TBC1D22A: variants seen among roughly 807,000 people sequenced by gnomAD.
The protein encoded by TBC1D22A is TBC1 domain family member 22A, also known as putative GTPase activator.
Under a neutral mutation model 60.2 loss-of-function variants are expected in TBC1D22A, and 38 were observed. That is an observed-to-expected ratio of 0.63 (90% CI 0.49 to 0.83). The LOEUF (loss-of-function observed/expected upper bound fraction) is 0.83, where lower values mean the gene tolerates loss of function less well. Among genes scored for constraint, TBC1D22A ranks in the 40% least tolerant of loss-of-function variants. The pLI is 0.00. For synonymous variants in TBC1D22A, 302 were observed against 281.7 expected (o/e 1.07, Z -0.72); for missense variants, 628 against 701.0 (o/e 0.90, Z 1.18).
intron 11 of TBC1D22A, among the ~76,000 whole-genome samples, chr22:47,095,102 G>C (rs1029328174): frequency 6.6e-6 from 1 of 152,252 alleles, no homozygotes; most frequent in Admixed American, 6.5e-5. Context: ...GGATGTTGGC[G>C]TGAATTTTAA....
intron 11 of TBC1D22A, among the ~76,000 whole-genome samples, chr22:47,077,910 G>A (rs999468085): frequency 1.3e-5 from 2 of 152,232 alleles, no homozygotes; most frequent in African/African-American, 4.8e-5. Context: ...TTGGCCCACA[G>A]TCTGTACTCA....
At chr22:46,879,655 T>G (rs892851102) in intron 5 of TBC1D22A, among the ~76,000 whole-genome samples, 4 of 152,250 alleles carry the variant, frequency 2.6e-5, no homozygotes, top group African/African-American at 9.6e-5. Flanking sequence ...TTTTGTTTTG[T>G]GCTTTTTTAT....
At chr22:46,904,105 A>ATCTGTCTGTCTGTCTGTCTG (rs1347635679) in intron 7 of TBC1D22A, among the ~76,000 whole-genome samples, 12 of 53,210 alleles carry the variant, frequency 2.3e-4, no homozygotes, top group South Asian at 6.8e-4. Context: ...AAATCTATCT[A>ATCTGTCTGTCTGTCTGTCTG]TCTATCTATC....
At chr22:47,080,240 T>C (rs2064407613) in intron 11 of TBC1D22A, among the ~76,000 whole-genome samples, 1 of 152,232 alleles carries the variant, frequency 6.6e-6, no homozygotes, top group East Asian at 1.9e-4. Context: ...AAAGTATATT[T>C]GATTTAAATA....
In TBC1D22A at chr22:47,157,562, G is replaced by A. The variant is rs371621114; in HGVS notation, c.1426-15936G>A. ...TCTGCACCTGGCCTCGCAGGACGGCGGGTGCGCTGTGGTGGCCCTTCCCAC... is the reference window on the plus strand; with the variant it reads ...TCTGCACCTGGCCTCGCAGGACGGCAGGTGCGCTGTGGTGGCCCTTCCCAC... On this transcript the variant is annotated intron_variant, in intron 12 of 12. Transcript: ENST00000337137. Among the ~76,000 whole-genome samples, 36 of 152,342 alleles carry A rather than the reference G, an allele frequency of 2.4e-4. No individual in the cohort carries two copies. In the East Asian group the frequency reaches 4.1e-3, roughly 17 times the overall value.
chr22:47,168,111 C>T (rs531312690), intron 12 of TBC1D22A, among the ~76,000 whole-genome samples: 17 of 152,368 alleles, frequency 1.1e-4, no homozygotes, highest in African/African-American at 4.1e-4. Context: ...AGTTGCTTCA[C>T]CGGACTCTGC....
intron 8 of TBC1D22A, among the ~76,000 whole-genome samples, chr22:46,963,148 G>C (rs2148065939): frequency 6.6e-6 from 1 of 151,728 alleles, no homozygotes; most frequent in Non-Finnish European, 1.5e-5. Flanking sequence ...ATGAACTTGG[G>C]AGGTGGAGCT....
intron 4 of TBC1D22A, among the ~76,000 whole-genome samples, chr22:46,829,709 G>C (rs11913536): frequency 2.6e-5 from 4 of 152,152 alleles, no homozygotes; most frequent in Admixed American, 2.6e-4. Flanking sequence ...TGGGGCCAGC[G>C]GCGTTTCTAT....
At chr22:47,032,798 C>T (rs1374880319) in intron 10 of TBC1D22A, among the ~76,000 whole-genome samples, 2 of 152,228 alleles carry the variant, frequency 1.3e-5, no homozygotes, top group Non-Finnish European at 2.9e-5. Context: ...AAGGCGGCAC[C>T]CACTTGCTGC....
intron 12 of TBC1D22A, among the ~76,000 whole-genome samples, chr22:47,123,532 A>C (rs1012892879): frequency 6.6e-6 from 1 of 152,202 alleles, no homozygotes; most frequent in Admixed American, 6.5e-5. Flanking sequence ...TGAGTCCGTC[A>C]GGCCTCAACC....
chr22:46,770,339 C>G (rs1006696309), intron 1 of TBC1D22A, among the ~76,000 whole-genome samples: 3 of 152,250 alleles, frequency 2.0e-5, no homozygotes, highest in Non-Finnish European at 2.9e-5. Context: ...GGGGTTCTCC[C>G]TTCGAGCCTC....
rs1472299527 is a variant in TBC1D22A, at chr22:46,793,525, G to C, written c.144G>C (p.Met48Ile). The C allele has an allele frequency of 6.2e-7, 1 of 1,614,180 alleles. No homozygotes were observed. Among genetic ancestry groups the C allele is most frequent in the Non-Finnish European group, 8.5e-7 (1 of 1,180,048 alleles). ...HGTLLRSTAK[M>I]PTTPVKAKRV... ...GTTTGCTCAGGTCCACGGCCAAGAT[G>C]CCGACCACACCAGTGAAGGCCAAGA... is the stretch of plus-strand genomic sequence containing the variant. The change falls in exon 3 of 13, where the codon ATG becomes ATC. Residue 48 changes from methionine (M) to isoleucine (I), a missense_variant. Coordinates refer to ENST00000337137, the MANE Select transcript of TBC1D22A (RefSeq NM_014346.5).
chr22:46,979,230 TAAG>T (rs2074419922), intron 9 of TBC1D22A, among the ~76,000 whole-genome samples: 1 of 152,218 alleles, frequency 6.6e-6, no homozygotes. Context: ...CACCGTCTCA[TAAG>T]AAGCAGCTGT....
intron 9 of TBC1D22A, among the ~76,000 whole-genome samples, chr22:46,979,284 T>G (rs1389773200): frequency 6.6e-6 from 1 of 152,216 alleles, no homozygotes; most frequent in African/African-American, 2.4e-5. Flanking sequence ...AAAATTCAGA[T>G]TTTTAATTTA....
intron 12 of TBC1D22A, among the ~76,000 whole-genome samples, chr22:47,117,578 G>T: frequency 6.6e-6 from 1 of 150,560 alleles, no homozygotes; most frequent in Non-Finnish European, 1.5e-5. Context: ...CATCGAGCAG[G>T]GAGAGTCACC....
intron 4 of TBC1D22A, among the ~76,000 whole-genome samples, chr22:46,820,947 T>C (rs1002994616): frequency 6.7e-6 from 1 of 149,970 alleles, no homozygotes; most frequent in African/African-American, 2.4e-5. Context: ...AGTTAGCTCT[T>C]CTTGTTGAAT....
At chr22:46,830,681 A>C (rs1302048622) in intron 4 of TBC1D22A, among the ~76,000 whole-genome samples, 1 of 152,170 alleles carries the variant, frequency 6.6e-6, no homozygotes, top group Non-Finnish European at 1.5e-5. Context: ...CAGGGAAGTG[A>C]ATCTTCAAGA....
intron 12 of TBC1D22A, among the ~76,000 whole-genome samples, chr22:47,118,500 A>T (rs1569457471): frequency 1.3e-5 from 2 of 152,264 alleles, no homozygotes; most frequent in Admixed American, 1.3e-4. Flanking sequence ...TTGCAAACAG[A>T]TTCAAAGATG....
At chr22:46,899,202 T>C (rs533919501) in intron 7 of TBC1D22A, among the ~76,000 whole-genome samples, 85 of 152,114 alleles carry the variant, frequency 5.6e-4, no homozygotes, top group Non-Finnish European at 8.8e-4. Context: ...ATCCCAGCAC[T>C]TCAGGAGGCC....
Sources: gnomAD v4.1 joint callset for allele counts (sites outside exome capture counted in the v4.1 genomes callset) on GRCh38, gnomAD v4.1.1 for gene constraint, MANE v1.5 for transcripts, NCBI Gene and HGNC (gene_info 2026-07-23, HGNC 2026-07-21) for gene names.